MRPS6: variants seen among roughly 807,000 people sequenced by gnomAD.
The protein encoded by MRPS6 is mitochondrial ribosomal protein S6.
A neutral mutation model predicts 13.1 loss-of-function variants in MRPS6; 6 were observed. The observed-to-expected ratio is 0.46, with a 90% CI of 0.25 to 0.91. The LOEUF (loss-of-function observed/expected upper bound fraction) is 0.91. Among genes scored for constraint, MRPS6 ranks in the 40% least tolerant of loss-of-function variants. The probability of loss-of-function intolerance (pLI) is 0.18; values close to 1 mark genes in which losing one functional copy is unlikely to be tolerated. For missense variants in MRPS6, 164 were observed against 155.6 expected (o/e 1.05, Z -0.29); for synonymous variants, 61 against 56.5 (o/e 1.08, Z -0.36).
intron 1 of MRPS6, among the ~76,000 whole-genome samples, chr21:34,079,241 A>G (rs187544046): frequency 2.6e-4 from 40 of 152,314 alleles, no homozygotes; most frequent in East Asian, 1.9e-3. Flanking sequence ...AAACTTTCAC[A>G]TTTCAGAGTC....
chr21:34,089,214 A>T (rs1978556546), intron 1 of MRPS6, among the ~76,000 whole-genome samples: 1 of 151,120 alleles, frequency 6.6e-6, no homozygotes, highest in African/African-American at 2.4e-5. Context: ...TTTTTTAGAG[A>T]TGAGGTTTGG....
intron 1 of MRPS6, chr21:34,099,986 C>G: frequency 5.4e-6 from 3 of 551,280 alleles, no homozygotes; most frequent in Non-Finnish European, 7.1e-6. Flanking sequence ...AATGATCATA[C>G]ATGGACTGTC....
chr21:34,088,664 A>G (rs1379474501), intron 1 of MRPS6, among the ~76,000 whole-genome samples: 1 of 152,224 alleles, frequency 6.6e-6, no homozygotes, highest in Non-Finnish European at 1.5e-5. Context: ...AAAGCTGTTT[A>G]GACATATAGA....
chr21:34,084,570 C>T (rs879920917), intron 1 of MRPS6, among the ~76,000 whole-genome samples: 1 of 152,014 alleles, frequency 6.6e-6, no homozygotes, highest in South Asian at 2.1e-4. Context: ...TATATACACA[C>T]CTACATATTA....
rs759705893 is a variant in MRPS6, at chr21:34,142,464, A to G, written c.242A>G (p.His81Arg). Reference protein sequence around the residue: ...PTAAVESMVEHLSRDIDVIRG... With the variant: ...PTAAVESMVERLSRDIDVIRG... ...GCAGCTGTTGAAAGCATGGTGGAGC[A>G]CTTGTCTCGAGATATAGATGTGATT... The change falls in exon 3 of 3, where the codon CAC becomes CGC. Residue 81 changes from histidine (H) to arginine (R), a missense_variant. By Grantham distance (29) the His-to-Arg change is conservative. Coordinates refer to ENST00000399312, the MANE Select transcript of MRPS6 (RefSeq NM_032476.4). 6.2e-7 allele frequency: 1 copy of G among 1,610,292 alleles called. No homozygotes were observed. Among genetic ancestry groups the G allele is most frequent in the Non-Finnish European group, 8.5e-7 (1 of 1,178,684 alleles).
At chr21:34,119,253 A>AT (rs1284863099) in intron 1 of MRPS6, among the ~76,000 whole-genome samples, 7 of 152,240 alleles carry the variant, frequency 4.6e-5, no homozygotes, top group African/African-American at 1.7e-4. Context: ...CACTTCACAT[A>AT]TTTTTATGTA....
intron 1 of MRPS6, among the ~76,000 whole-genome samples, chr21:34,107,057 G>C (rs938100567): frequency 1.3e-5 from 2 of 151,922 alleles, no homozygotes; most frequent in Admixed American, 6.6e-5. Context: ...TCAACCTCTT[G>C]GGTAACTGGG....
chr21:34,136,284 A>T (rs1481743793), intron 2 of MRPS6, among the ~76,000 whole-genome samples: 1 of 151,972 alleles, frequency 6.6e-6, no homozygotes, highest in Middle Eastern at 3.2e-3. Flanking sequence ...AGTAGCTGGG[A>T]TTACAGGCAC....
Position 34,139,958 on chromosome 21 carries a change from G to A in MRPS6, c.186-2450G>A, listed in dbSNP as rs543433914. 1.2e-4 allele frequency among the ~76,000 whole-genome samples: 19 copies of A among 152,098 alleles called. No homozygotes were observed. In the South Asian group the frequency reaches 3.3e-3, roughly 27 times the overall value. ...TTGTTTCACCTTTCTCATTCCCAGTGCCTTTAATTTATACCTTACCTCTTT... is the reference window on the plus strand; with the variant it reads ...TTGTTTCACCTTTCTCATTCCCAGTACCTTTAATTTATACCTTACCTCTTT... On this transcript the variant is annotated intron_variant, in intron 2 of 2. Coordinates refer to ENST00000399312, the MANE Select transcript of MRPS6 (RefSeq NM_032476.4).
At chr21:34,135,835 A>G (rs1022265380) in intron 2 of MRPS6, 15 of 556,402 alleles carry the variant, frequency 2.7e-5, no homozygotes, top group African/African-American at 2.7e-4. Context: ...GGAGTTAGTG[A>G]GGGACTCCAC....
At chr21:34,125,542 A>G (rs1602959213) in intron 2 of MRPS6, 62 bp downstream of exon 2, 15 of 1,580,708 alleles carry the variant, frequency 9.5e-6, no homozygotes, top group Non-Finnish European at 1.3e-5. Context: ...AGTACTGTTC[A>G]ATTACTATTA....
intron 2 of MRPS6, among the ~76,000 whole-genome samples, chr21:34,129,088 T>C (rs528995567): frequency 3.3e-4 from 50 of 152,280 alleles, no homozygotes; most frequent in African/African-American, 1.2e-3. Flanking sequence ...GGAAAATTCT[T>C]ACTGTATTCC....
At chr21:34,128,230 A>C (rs1356899438) in intron 2 of MRPS6, among the ~76,000 whole-genome samples, 1 of 152,160 alleles carries the variant, frequency 6.6e-6, no homozygotes, top group Non-Finnish European at 1.5e-5. Context: ...GCACCGGCTG[A>C]GGGAGTGTGT....
At chr21:34,105,456 G>C (rs1341416036) in intron 1 of MRPS6, 2 of 998,488 alleles carry the variant, frequency 2.0e-6, no homozygotes, top group African/African-American at 3.5e-5. Flanking sequence ...TGTCAGCAGA[G>C]TGCTGCTGCT....
At chr21:34,108,154 A>T (rs767577689) in intron 1 of MRPS6, among the ~76,000 whole-genome samples, 13 of 152,200 alleles carry the variant, frequency 8.5e-5, no homozygotes, top group Non-Finnish European at 1.3e-4. Context: ...CTCTGCTGCC[A>T]GGGATATAAA....
chr21:34,078,406 GGTAAGGA>G (rs1383372913), intron 1 of MRPS6, among the ~76,000 whole-genome samples: 2 of 152,090 alleles, frequency 1.3e-5, no homozygotes. Flanking sequence ...ATGGCTTGGG[GGTAAGGA>G]GTCCTTCCTC....
intron 1 of MRPS6, among the ~76,000 whole-genome samples, chr21:34,112,621 T>C (rs991537152): frequency 6.6e-6 from 1 of 152,076 alleles, no homozygotes; most frequent in Non-Finnish European, 1.5e-5. Context: ...GACAATTACT[T>C]ACCTACTTTC....
intron 1 of MRPS6, among the ~76,000 whole-genome samples, chr21:34,106,424 A>C (rs1423442355): frequency 6.6e-6 from 1 of 152,160 alleles, no homozygotes; most frequent in East Asian, 1.9e-4. Context: ...AATCTTTGTA[A>C]ACACTGACTC....
chr21:34,121,645 C>T (rs1980125840), intron 1 of MRPS6, among the ~76,000 whole-genome samples: 1 of 152,162 alleles, frequency 6.6e-6, no homozygotes, highest in Admixed American at 6.5e-5. Flanking sequence ...GCCTGCACAA[C>T]TTCTCTTAGA....
Sources: allele counts gnomAD v4.1 joint callset (sites outside exome capture counted in the v4.1 genomes callset), GRCh38; gene constraint gnomAD v4.1.1; transcripts MANE v1.5; gene names NCBI Gene and HGNC (gene_info 2026-07-23, HGNC 2026-07-21).